Variants in DMXL2 observed in about 807,000 individuals in gnomAD.
DMXL2 encodes dmX-like protein 2.
DMXL2 carries 103 observed loss-of-function variants against 331.1 expected under a neutral mutation model. That is an observed-to-expected ratio of 0.31 (90% CI 0.27 to 0.37). DMXL2 has a LOEUF of 0.37. Among genes scored for constraint, DMXL2 ranks in the 10% least tolerant of loss-of-function variants. The pLI, the probability that DMXL2 is intolerant of heterozygous loss-of-function variation, is 1.00. For synonymous variants in DMXL2, 1,281 were observed against 1,252.1 expected (o/e 1.02, Z -0.49); for missense variants, 3,171 against 3,642.9 (o/e 0.87, Z 3.33).
chr15:51,535,777 G>A lies in DMXL2; in HGVS notation c.2322C>T (p.Tyr774=), dbSNP rs2140875226. 1.2e-6 allele frequency: 2 copies of A among 1,605,704 alleles called. No homozygotes were observed. Among genetic ancestry groups the A allele is most frequent in the Non-Finnish European group, 1.7e-6 (2 of 1,176,818 alleles). Residue 774 remains tyrosine, a synonymous_variant, in exon 13 of 44, where the codon TAC becomes TAT. Coordinates refer to ENST00000560891, the MANE Select transcript of DMXL2 (RefSeq NM_001378457.1). ...TLIPSYCLGT[Y]CNSASACFVA... Reference sequence around the variant, plus strand: ...CAAAGCAAGCACTTGCAGAATTGCAGTATGTGCCTGAGAAAGGAAAACAAG... The same window carrying A: ...CAAAGCAAGCACTTGCAGAATTGCAATATGTGCCTGAGAAAGGAAAACAAG...
At chr15:51,579,274 T>G (rs1410785705) in intron 1 of DMXL2, among the ~76,000 whole-genome samples, 1 of 152,194 alleles carries the variant, frequency 6.6e-6, no homozygotes, top group Admixed American at 6.5e-5. Flanking sequence ...CCATGATTAC[T>G]GCTAGAATGG....
chr15:51,455,353 C>T (rs897845943), intron 39 of DMXL2, 125 bp from the exon 40 acceptor site: 4 of 813,804 alleles, frequency 4.9e-6, no homozygotes, highest in African/African-American at 3.5e-5. Context: ...GTTTCTGTTG[C>T]TGTCATTCCC....
At chr15:51,455,867 G>A (rs2039575095) in intron 39 of DMXL2, among the ~76,000 whole-genome samples, 199 bp downstream of exon 39, 1 of 152,126 alleles carries the variant, frequency 6.6e-6, no homozygotes, top group Non-Finnish European at 1.5e-5. Flanking sequence ...TCTTTAAATA[G>A]ATGATTAATC....
chr15:51,563,470 A>G, intron 5 of DMXL2, 23 bp from the exon 6 acceptor site: 2 of 1,565,004 alleles, frequency 1.3e-6, no homozygotes, highest in Non-Finnish European at 1.7e-6. Context: ...GAGTTAGGCA[A>G]TTAGCCCTTT....
rs1368548687 is a variant in DMXL2, at chr15:51,536,811, A to G, written c.1669T>C (p.Ser557Pro). The change falls in exon 12 of 44, where the codon TCT becomes CCT. Residue 557 changes from serine to proline, a missense_variant. By Grantham distance (74) the Ser-to-Pro change is moderately conservative. Around this residue, in one of 7 missense-constraint regions of DMXL2, gnomAD observed 1,674 missense variants for 1,780.2 expected, o/e 0.94. Coordinates refer to ENST00000560891, the MANE Select transcript of DMXL2 (RefSeq NM_001378457.1). ...PVAFPSGDAS[S>P]LSKNIMMYAC... ...TACATCATGATATTTTTACTAAGAG[A>G]GCTTGCATCACCAGAGGGAAATGCA... 1.9e-6 allele frequency: 3 copies of G among 1,613,364 alleles called. No homozygotes were observed. The highest frequency in any genetic ancestry group is 2.5e-6 in the Non-Finnish European group (3 of 1,179,850).
intron 27 of DMXL2, among the ~76,000 whole-genome samples, chr15:51,475,991 G>C (rs1220710616): frequency 6.6e-6 from 1 of 152,114 alleles, no homozygotes; most frequent in African/African-American, 2.4e-5. Flanking sequence ...GCAATTTTTT[G>C]CAAGTCTGAA....
chr15:51,599,891 G>C (rs940192772), intron 1 of DMXL2, among the ~76,000 whole-genome samples: 2 of 152,034 alleles, frequency 1.3e-5, no homozygotes, highest in Non-Finnish European at 2.9e-5. Flanking sequence ...AGTAGAGACA[G>C]GGTTTCACTG....
chr15:51,587,855 G>A lies in DMXL2; in HGVS notation c.88-11674C>T, dbSNP rs35112944. ...GTTGTTTCCTGACTTTTTAATGATC[G>A]CCATTCTAACTGGTGTGAGATGGTA... On this transcript the variant is annotated intron_variant, in intron 1 of 43. Transcript: ENST00000560891. 6.0e-3 allele frequency among the ~76,000 whole-genome samples: 910 copies of A among 152,126 alleles called. 10 individuals carry two copies. Among genetic ancestry groups the A allele is most frequent in the African/African-American group, 0.02 (844 of 41,478 alleles).
chr15:51,561,902 T>A (rs989446158), intron 6 of DMXL2, among the ~76,000 whole-genome samples: 2 of 152,142 alleles, frequency 1.3e-5, no homozygotes, highest in African/African-American at 4.8e-5. Context: ...GAACTAGAAG[T>A]CATTATGTTA....
chr15:51,466,102 G>T (rs1029628416), intron 30 of DMXL2, 82 bp downstream of exon 30: 10 of 1,119,052 alleles, frequency 8.9e-6, no homozygotes, highest in Non-Finnish European at 1.2e-5. Context: ...GGATAATAAT[G>T]TTATTTAAAA....
chr15:51,538,476 A>G, intron 9 of DMXL2, 24 bp from the exon 10 acceptor site: 1 of 1,532,918 alleles, frequency 6.5e-7, no homozygotes, highest in South Asian at 1.3e-5. Flanking sequence ...AGAGATTTCA[A>G]TATAATTTTT....
At chr15:51,543,441 G>A (rs963694144) in intron 8 of DMXL2, among the ~76,000 whole-genome samples, 1 of 152,064 alleles carries the variant, frequency 6.6e-6, no homozygotes, top group East Asian at 1.9e-4. Flanking sequence ...CCCCACCTCT[G>A]GTCTCCCACT....
At chr15:51,453,389 C>G (rs898249968) in intron 41 of DMXL2, 161 bp downstream of exon 41, 12 of 498,550 alleles carry the variant, frequency 2.4e-5, no homozygotes, top group African/African-American at 2.2e-4. Flanking sequence ...TTGCTTTTCT[C>G]TTTTTGGTAA....
In DMXL2 at chr15:51,474,531, G is replaced by C; in HGVS notation, c.7026C>G (p.Asn2342Lys). 6.2e-7 allele frequency: 1 copy of C among 1,614,042 alleles called. No homozygotes were observed. Among genetic ancestry groups the C allele is most frequent in the African/African-American group, 1.3e-5 (1 of 75,032 alleles). Residue 2342 changes from asparagine to lysine, a missense_variant, in exon 28 of 44, where the codon AAC becomes AAG. Physicochemically the swap from Asn to Lys is moderately conservative, Grantham distance 94 (BLOSUM62 0). Transcript: ENST00000560891. ...SAQDEDQPKL[N>K]ILLCEAVVAV... ...CAACAACAGCTTCACATAGCAAAAT[G>C]TTCAGTTTTGGCTGGTCTTCATCTT... is the stretch of plus-strand genomic sequence containing the variant.
chr15:51,564,114 T>G lies in DMXL2; in HGVS notation c.500+11A>C. On this transcript the variant is annotated intron_variant, in intron 5 of 43. Coordinates refer to ENST00000560891, the MANE Select transcript of DMXL2 (RefSeq NM_001378457.1). ...TAATTAATGAATATAACAATAGAAA[T>G]AGACACTAACTTGCACTGCCAGACA... The G allele has an allele frequency of 1.3e-6, 2 of 1,585,330 alleles. No individual in the cohort carries two copies.
At chr15:51,553,980 G>A (rs1395064724) in intron 6 of DMXL2, among the ~76,000 whole-genome samples, 3 of 152,016 alleles carry the variant, frequency 2.0e-5, no homozygotes, top group Non-Finnish European at 4.4e-5. Flanking sequence ...GTTGTTCAAG[G>A]GTTAACTGTA....
intron 13 of DMXL2, among the ~76,000 whole-genome samples, chr15:51,527,644 C>T (rs562122495): frequency 3.9e-4 from 59 of 151,300 alleles, no homozygotes; most frequent in Admixed American, 3.0e-3. Flanking sequence ...ATTGCTTGCA[C>T]CCAGGAGGCA....
At chr15:51,583,095 A>G (rs1046651808) in intron 1 of DMXL2, among the ~76,000 whole-genome samples, 3 of 139,944 alleles carry the variant, frequency 2.1e-5, no homozygotes, top group Non-Finnish European at 4.6e-5. Context: ...AGAGGAAATT[A>G]CTTCATTCTT....
intron 5 of DMXL2, 63 bp downstream of exon 5, chr15:51,564,062 A>T (rs1258389709): frequency 6.0e-6 from 9 of 1,496,010 alleles, no homozygotes; most frequent in Non-Finnish European, 8.0e-6. Flanking sequence ...TTGTGAAAGG[A>T]AACATATTTT....
Sources: allele counts gnomAD v4.1 joint callset (sites outside exome capture counted in the v4.1 genomes callset), GRCh38; gene constraint gnomAD v4.1.1; regional missense constraint gnomAD v4.1.1; transcripts MANE v1.5; gene names NCBI Gene and HGNC (gene_info 2026-07-23, HGNC 2026-07-21).